The following ZNF33A variants were observed in gnomAD, a reference collection of about 807,000 sequenced individuals.
ZNF33A encodes brain my041 protein.
In ZNF33A, 9 loss-of-function variants were observed where a neutral mutation model predicts 15.9. The observed-to-expected ratio is 0.57, with a 90% CI of 0.34 to 0.99. The LOEUF (loss-of-function observed/expected upper bound fraction) is 0.99. ZNF33A is among the 50% of genes least tolerant of loss of function. The probability of loss-of-function intolerance (pLI) is 0.02; values close to 1 mark genes in which losing one functional copy is unlikely to be tolerated. For synonymous variants in ZNF33A, 294 were observed against 324.2 expected, an observed-to-expected ratio of 0.91 and a Z score of 1.00; for missense variants, 843 against 941.6, an observed-to-expected ratio of 0.90 and a Z score of 1.37.
rs144804696 is a variant in ZNF33A at position 38,013,032 on chromosome 10, T to G, written c.9+682T>G. ...TGCAGCCTATTGAGTCAAACTGCTT[T>G]TTTAATTTTTATTTCACACAGGTTC... On this transcript the variant is annotated intron_variant, in intron 2 of 4. Transcript: ENST00000432900. 6.5e-3 allele frequency among the ~76,000 whole-genome samples: 988 copies of G among 152,306 alleles called. 12 individuals are homozygous for G. The highest frequency in any genetic ancestry group is 0.054 in the South Asian group (261 of 4,822).
intron 4 of ZNF33A, among the ~76,000 whole-genome samples, chr10:38,035,905 G>T (rs1035819112): frequency 6.6e-6 from 1 of 152,154 alleles, no homozygotes; most frequent in Non-Finnish European, 1.5e-5. Context: ...CAACATTTAA[G>T]GAAGAAATAT....
At position 38,055,865 on chromosome 10, in the gene ZNF33A, T is replaced by C. The variant is rs1198295016; in HGVS notation, c.1741T>C (p.Tyr581His). 6 of 1,614,112 alleles carry C rather than the reference T, an allele frequency of 3.7e-6. No homozygotes were observed. The highest frequency in any genetic ancestry group is 5.1e-6 in the Non-Finnish European group (6 of 1,179,994). The change falls in exon 5 of 5, where the codon TAC (tyrosine) becomes CAC (histidine). Residue 581 changes from tyrosine to histidine, a missense_variant. By Grantham distance (83) the Tyr-to-His change is moderately conservative. Transcript: ENST00000432900. ...HYRTHTGEKP[Y>H]ECHECGKIFY... ...TAGAACACACACAGGGGAGAAACCC[T>C]ACGAATGTCATGAATGTGGAAAAAT...
chr10:38,027,883 A>G (rs2135601092), intron 4 of ZNF33A, among the ~76,000 whole-genome samples: 1 of 152,126 alleles, frequency 6.6e-6, no homozygotes, highest in Non-Finnish European at 1.5e-5. Flanking sequence ...TTTGGTGGCT[A>G]TTTTCATGGA....
At chr10:38,052,199 A>G (rs533577080) in intron 4 of ZNF33A, among the ~76,000 whole-genome samples, 1 of 152,234 alleles carries the variant, frequency 6.6e-6, no homozygotes, top group South Asian at 2.1e-4. Context: ...AATATTATCT[A>G]TGTAGGAAAT....
In ZNF33A at chr10:38,027,294, G is replaced by A. The variant is rs373502321; in HGVS notation, c.250+9908G>A. Among the ~76,000 whole-genome samples, 9 of 151,624 alleles carry A rather than the reference G, an allele frequency of 5.9e-5. No homozygotes were observed. In the East Asian group the frequency reaches 9.7e-4, roughly 16 times the overall value. On this transcript the variant is annotated intron_variant, in intron 4 of 4. Coordinates refer to ENST00000432900, the MANE Select transcript of ZNF33A (RefSeq NM_006954.2). The stretch of plus-strand genomic sequence containing the variant: ...ATATTTTACTGGAATTTTTGTGTGT[G>A]TGTGTATAGCTTTGTATCTGTATTC...
At chr10:38,037,620 A>G (rs1416731673) in intron 4 of ZNF33A, among the ~76,000 whole-genome samples, 1 of 152,148 alleles carries the variant, frequency 6.6e-6, no homozygotes, top group Non-Finnish European at 1.5e-5. Context: ...TACTGTGCCC[A>G]GCCGAAAAGG....
chr10:38,057,868 G>A lies in ZNF33A; in HGVS notation c.*1308G>A, dbSNP rs2066549230. On this transcript the variant is annotated 3_prime_UTR_variant, in exon 5 of 5. Transcript: ENST00000432900. ...CAGGGCTGCCCAGGGCTGTTGGACT[G>A]TCATTTCAAGGCTCATTGTCCCCAG... is the stretch of plus-strand genomic sequence containing the variant. 3 of 985,320 alleles carry A rather than the reference G, an allele frequency of 3.0e-6. No homozygotes were observed. Among genetic ancestry groups the A allele is most frequent in the South Asian group, 9.4e-5 (2 of 21,288 alleles). 61.0% of individuals were successfully genotyped at this position (985,320 alleles called of 1,614,324 possible). A position where few individuals can be genotyped will look rare whatever the true frequency, so the allele number is the denominator to read the frequency against.
chr10:38,065,278 G>T (rs1181562937), downstream of ZNF33A, among the ~76,000 whole-genome samples: 1 of 151,958 alleles, frequency 6.6e-6, no homozygotes, highest in Middle Eastern at 3.2e-3. Context: ...CACCATGTTG[G>T]CCAGGCTGGC....
downstream of ZNF33A, among the ~76,000 whole-genome samples, chr10:38,065,675 G>A (rs937735191): frequency 6.6e-6 from 1 of 150,914 alleles, no homozygotes; most frequent in African/African-American, 2.4e-5. Context: ...CTGGTTGCCA[G>A]TGCACCAGCC....
chr10:38,053,787 G>A (rs1450462148), intron 4 of ZNF33A, among the ~76,000 whole-genome samples: 1 of 152,082 alleles, frequency 6.6e-6, no homozygotes, highest in Admixed American at 6.6e-5. Context: ...CATCTTCTGA[G>A]TATTTTCCCA....
At chr10:38,019,072 T>C (rs939309564) in intron 4 of ZNF33A, among the ~76,000 whole-genome samples, 1 of 151,996 alleles carries the variant, frequency 6.6e-6, no homozygotes, top group African/African-American at 2.4e-5. Flanking sequence ...GCCATGTTGG[T>C]GTGCTGCACC....
At chr10:38,018,037 T>G (rs1428634560) in intron 4 of ZNF33A, among the ~76,000 whole-genome samples, 3 of 152,186 alleles carry the variant, frequency 2.0e-5, no homozygotes, top group Non-Finnish European at 4.4e-5. Flanking sequence ...GAGGTTGCAG[T>G]GAGCTGAGAC....
chr10:38,010,821 C>G, intron 1 of ZNF33A, 38 bp downstream of exon 1: 1 of 1,596,204 alleles, frequency 6.3e-7, no homozygotes, highest in Non-Finnish European at 8.5e-7. Context: ...AGAGAGGGAG[C>G]CCCGCGCGAC....
rs530456052 is a variant in ZNF33A at position 38,019,785 on chromosome 10, G to A, written c.250+2399G>A. On this transcript the variant is annotated intron_variant, in intron 4 of 4. Coordinates refer to ENST00000432900, the MANE Select transcript of ZNF33A (RefSeq NM_006954.2). ...ACAAGAAGGCTTGGAATGCAGGCAA[G>A]AAAGAAGATTGGAGGTTGGCAAAAA... is the stretch of plus-strand genomic sequence containing the variant. Among the ~76,000 whole-genome samples the A allele has an allele frequency of 3.4e-4, 52 of 152,326 alleles. No individual in the cohort carries two copies. The Middle Eastern group carries it at 0.01, about 30-fold the overall frequency.
intron 4 of ZNF33A, among the ~76,000 whole-genome samples, chr10:38,047,553 G>C (rs538464547): frequency 6.9e-6 from 1 of 143,938 alleles, no homozygotes; most frequent in South Asian, 2.3e-4. Flanking sequence ...TTGAACATGG[G>C]AGGCGGAGGT....
At chr10:38,030,341 G>C (rs560467059) in intron 4 of ZNF33A, among the ~76,000 whole-genome samples, 2 of 152,266 alleles carry the variant, frequency 1.3e-5, no homozygotes, top group Admixed American at 6.5e-5. Context: ...GAATAATCCA[G>C]ATGTTCTTGA....
rs1259396814 is a variant in ZNF33A, at chr10:38,058,076, A to C, written c.*1516A>C. The C allele has an allele frequency of 1.0e-6, 1 of 981,378 alleles. No individual in the cohort carries two copies. The highest frequency in any genetic ancestry group is 1.2e-6 in the Non-Finnish European group (1 of 826,384). The allele number at this position is 981,378 out of a possible 1,614,324, so 60.8% of individuals were successfully genotyped here. The stretch of plus-strand genomic sequence containing the variant: ...TCTAGTGATCCTAGATTACACAAGT[A>C]ATCTAAGCTTCCACTTTAGGAAACT... On this transcript the variant is annotated 3_prime_UTR_variant, in exon 5 of 5. Transcript: ENST00000432900.
intron 4 of ZNF33A, among the ~76,000 whole-genome samples, chr10:38,019,018 G>T (rs1161167162): frequency 1.3e-5 from 2 of 150,602 alleles, no homozygotes; most frequent in African/African-American, 2.4e-5. Context: ...AAGTTTTAGG[G>T]TACATGTGTA....
chr10:38,060,987 A>G (rs1327285870), downstream of ZNF33A, among the ~76,000 whole-genome samples: 1 of 152,084 alleles, frequency 6.6e-6, no homozygotes, highest in East Asian at 1.9e-4. Context: ...TGAGGCTCCC[A>G]CCTGTACAGG....
Sources: allele counts gnomAD v4.1 joint callset (sites outside exome capture counted in the v4.1 genomes callset), GRCh38; gene constraint gnomAD v4.1.1; transcripts MANE v1.5; gene names NCBI Gene and HGNC (gene_info 2026-07-23, HGNC 2026-07-21).